The following DOCK1 variants were observed in gnomAD, a reference collection of about 807,000 sequenced individuals.
The protein encoded by DOCK1 is dedicator of cytokinesis 1, also known as dedicator of cytokinesis protein 1.
Under a neutral mutation model 262.7 loss-of-function variants are expected in DOCK1, and 138 were observed. That is an observed-to-expected ratio of 0.53 (90% CI 0.46 to 0.61). The LOEUF is 0.61. Ranked by LOEUF, DOCK1 falls within the 20% of genes least tolerant of loss-of-function variation. DOCK1 has a pLI of 0.00. For missense variants in DOCK1, 1,908 were observed against 2,370.7 expected (o/e 0.80, Z 4.05); for synonymous variants, 866 against 867.4 (o/e 1.00, Z 0.03).
intron 29 of DOCK1, among the ~76,000 whole-genome samples, chr10:127,274,346 G>A (rs1376943709): frequency 1.3e-5 from 2 of 152,212 alleles, no homozygotes; most frequent in South Asian, 2.1e-4. Context: ...GTGATAGCCC[G>A]CATTCATTTA....
chr10:127,382,536 C>T (rs931059104), intron 37 of DOCK1, among the ~76,000 whole-genome samples: 5 of 152,204 alleles, frequency 3.3e-5, no homozygotes, highest in African/African-American at 1.2e-4. Flanking sequence ...ACCCATTTTG[C>T]CCCGTGCCAC....
intron 31 of DOCK1, among the ~76,000 whole-genome samples, chr10:127,351,316 G>T (rs1278665372): frequency 2.6e-5 from 4 of 152,166 alleles, no homozygotes; most frequent in Non-Finnish European, 5.9e-5. Flanking sequence ...CTGGCTCGGT[G>T]GAGTCGGGCA....
At chr10:127,009,348 G>T (rs762271500) in intron 11 of DOCK1, among the ~76,000 whole-genome samples, 1 of 152,088 alleles carries the variant, frequency 6.6e-6, no homozygotes, top group South Asian at 2.1e-4. Flanking sequence ...AAAGAGGCAC[G>T]GAAGCTGAGA....
chr10:127,427,580 C>T (rs1452894584), intron 47 of DOCK1, among the ~76,000 whole-genome samples: 1 of 152,176 alleles, frequency 6.6e-6, no homozygotes, highest in Non-Finnish European at 1.5e-5. Flanking sequence ...GTAAGTAGGT[C>T]ACACCCTAGC....
chr10:127,159,460 A>C (rs1311887453), intron 27 of DOCK1, among the ~76,000 whole-genome samples: 2 of 152,142 alleles, frequency 1.3e-5, no homozygotes, highest in Non-Finnish European at 2.9e-5. Flanking sequence ...AAATATATAT[A>C]CTTGTATACT....
At position 126,981,914 on chromosome 10, in the gene DOCK1, A is replaced by T; in HGVS notation, c.172-4A>T. 6.2e-7 allele frequency: 1 copy of T among 1,609,424 alleles called. No individual in the cohort carries two copies. Among genetic ancestry groups the T allele is most frequent in the Non-Finnish European group, 8.5e-7 (1 of 1,178,516 alleles). ...AAGCTACTGTTTTTTTTTTCCTCCC[A>T]AAGGGTATATTTCCTGCTTCATATA... is the stretch of plus-strand genomic sequence containing the variant. On this transcript the variant is annotated splice_polypyrimidine_tract_variant and splice_region_variant and intron_variant, in intron 3 of 51. Transcript: ENST00000623213.
chr10:127,418,457 C>T lies in DOCK1; in HGVS notation c.4608C>T (p.Pro1536=). ...NSMVQQHLDD[P]SLPINPLSML... The stretch of plus-strand genomic sequence containing the variant: ...TGGTGCAGCAGCACCTGGATGACCC[C>T]AGCCTGCCCATCAACCCGCTCTCCA... The change falls in exon 45 of 52, where the codon CCC becomes CCT. Residue 1536 remains proline (P), a synonymous_variant. Transcript: ENST00000623213. 3 of 1,614,094 alleles carry T rather than the reference C, an allele frequency of 1.9e-6. No individual in the cohort carries two copies. The highest frequency in any genetic ancestry group is 2.5e-6 in the Non-Finnish European group (3 of 1,180,014).
chr10:126,973,122 A>C (rs1490336720), intron 2 of DOCK1, among the ~76,000 whole-genome samples: 1 of 152,012 alleles, frequency 6.6e-6, no homozygotes, highest in Non-Finnish European at 1.5e-5. Context: ...GTTAATAAAC[A>C]CTGGGCAATG....
chr10:127,005,138 A>G (rs2040915702), intron 10 of DOCK1, among the ~76,000 whole-genome samples: 1 of 151,700 alleles, frequency 6.6e-6, no homozygotes, highest in Non-Finnish European at 1.5e-5. Context: ...GCAGTTCGAG[A>G]CCAGCCTGGG....
intron 1 of DOCK1, among the ~76,000 whole-genome samples, chr10:126,908,160 A>G (rs571411597): frequency 2.7e-4 from 41 of 152,276 alleles, no homozygotes; most frequent in African/African-American, 8.2e-4. Context: ...CATGAGCGCA[A>G]TGGGGCCATC....
intron 23 of DOCK1, among the ~76,000 whole-genome samples, chr10:127,092,267 A>T (rs2047582874): frequency 6.6e-6 from 1 of 152,096 alleles, no homozygotes; most frequent in Non-Finnish European, 1.5e-5. Context: ...TGGATCGGGG[A>T]GGAGAGGTCA....
Position 126,953,322 on chromosome 10 carries a change from G to A in DOCK1, c.47-17380G>A, listed in dbSNP as rs920318516. On this transcript the variant is annotated intron_variant, in intron 1 of 51. Transcript: ENST00000623213. The stretch of plus-strand genomic sequence containing the variant: ...AGTGGTGATGGCAGTGGAGGTGGTA[G>A]TGGTGGTAGTATTGTCAGTGATGGT... 2.4e-4 allele frequency among the ~76,000 whole-genome samples: 36 copies of A among 151,430 alleles called. No individual in the cohort carries two copies. The East Asian group carries it at 5.1e-3, about 21-fold the overall frequency.
rs1590060653 is a variant in DOCK1, at chr10:127,235,771, G to A, written c.2848-12237G>A. ...CAGCAACATGAGTTTCCATTGTTCT[G>A]CATCTTTGTGGTGGTTGTTTTTTTT... On this transcript the variant is annotated intron_variant, in intron 27 of 51. Coordinates refer to ENST00000623213, the MANE Select transcript of DOCK1 (RefSeq NM_001290223.2). 3.1e-5 allele frequency among the ~76,000 whole-genome samples: 4 copies of A among 130,506 alleles called. No individual in the cohort carries two copies. The South Asian group carries it at 1.2e-3, about 38-fold the overall frequency. The allele number at this position is 130,506 out of a possible 152,430, so 85.6% of individuals were successfully genotyped here.
intron 23 of DOCK1, among the ~76,000 whole-genome samples, chr10:127,068,318 C>G (rs1257836722): frequency 6.6e-6 from 1 of 152,110 alleles, no homozygotes; most frequent in Non-Finnish European, 1.5e-5. Context: ...ACTTTACTGT[C>G]CTCAGAACAA....
intron 38 of DOCK1, among the ~76,000 whole-genome samples, chr10:127,387,791 A>T (rs550315215): frequency 1.3e-5 from 2 of 152,240 alleles, no homozygotes; most frequent in Non-Finnish European, 2.9e-5. Flanking sequence ...GCTTCCTGAC[A>T]GATGAGAAAT....
intron 25 of DOCK1, among the ~76,000 whole-genome samples, chr10:127,123,791 C>T (rs570892057): frequency 6.6e-6 from 1 of 152,306 alleles, no homozygotes; most frequent in South Asian, 2.1e-4. Flanking sequence ...TGTGCTCTCC[C>T]TCACTGACCT....
chr10:127,097,706 G>T (rs2047995741), intron 23 of DOCK1, among the ~76,000 whole-genome samples: 1 of 152,192 alleles, frequency 6.6e-6, no homozygotes, highest in Admixed American at 6.5e-5. Context: ...CTGCCATTAA[G>T]TTATTTTACC....
chr10:127,255,591 A>G (rs2059803047), intron 28 of DOCK1, among the ~76,000 whole-genome samples: 1 of 152,130 alleles, frequency 6.6e-6, no homozygotes, highest in Admixed American at 6.5e-5. Flanking sequence ...GAAAACAAGG[A>G]CGCCTTGCAG....
At chr10:127,159,658 T>C (rs1379239765) in intron 27 of DOCK1, among the ~76,000 whole-genome samples, 1 of 152,122 alleles carries the variant, frequency 6.6e-6, no homozygotes, top group Non-Finnish European at 1.5e-5. Flanking sequence ...GGTGACAATT[T>C]GGGGTATACG....
Sources: gnomAD v4.1 joint callset for allele counts (sites outside exome capture counted in the v4.1 genomes callset) on GRCh38, gnomAD v4.1.1 for gene constraint, MANE v1.5 for transcripts, NCBI Gene and HGNC (gene_info 2026-07-23, HGNC 2026-07-21) for gene names.